FBXO28: variants seen among roughly 807,000 people sequenced by gnomAD.
FBXO28 encodes the protein F-box only protein 28.
Under a neutral mutation model 38.1 loss-of-function variants are expected in FBXO28, and 8 were observed. The observed-to-expected ratio is 0.21, with a 90% confidence interval of 0.12 to 0.38. The LOEUF is 0.38. FBXO28 is among the 10% of genes least tolerant of loss of function. The pLI, the probability that FBXO28 is intolerant of heterozygous loss-of-function variation, is 1.00. For missense variants in FBXO28, 345 were observed against 460.6 expected, an observed-to-expected ratio of 0.75 and a Z score of 2.30; for synonymous variants, 168 against 173.8, an observed-to-expected ratio of 0.97 and a Z score of 0.26.
intron 1 of FBXO28, among the ~76,000 whole-genome samples, chr1:224,123,121 A>C (rs973332320): frequency 6.6e-6 from 1 of 152,066 alleles, no homozygotes; most frequent in Non-Finnish European, 1.5e-5. Context: ...AGTTCCTTTC[A>C]GTTCTGGAGT....
chr1:224,146,928 G>A (rs1361665109), intron 3 of FBXO28, among the ~76,000 whole-genome samples: 2 of 150,014 alleles, frequency 1.3e-5, no homozygotes, highest in Non-Finnish European at 3.0e-5. Context: ...GGCTGGTCTC[G>A]AACTCCTGAC....
Position 224,159,314 on chromosome 1 carries a change from G to A in FBXO28, c.*1568G>A, listed in dbSNP as rs566251307. The A allele has an allele frequency of 4.6e-5, 7 of 152,142 alleles. No individual in the cohort carries two copies. Among genetic ancestry groups the A allele is most frequent in the African/African-American group, 1.7e-4 (7 of 41,374 alleles). The allele number at this position is 152,142 out of a possible 1,614,324, so 9.4% of individuals were successfully genotyped here. ...TTATCACCTTTTTTATCCGTCCACC[G>A]TGACATGGTTATGCATCCTTTAGAT... is the stretch of plus-strand genomic sequence containing the variant. On this transcript the variant is annotated 3_prime_UTR_variant, in exon 5 of 5. Coordinates refer to ENST00000366862, the MANE Select transcript of FBXO28 (RefSeq NM_015176.4).
chr1:224,124,954 T>C (rs186768609), intron 1 of FBXO28, among the ~76,000 whole-genome samples: 1 of 152,292 alleles, frequency 6.6e-6, no homozygotes, highest in Admixed American at 6.5e-5. Flanking sequence ...CTTGAACTCC[T>C]AACCTCAGCT....
At position 224,159,594 on chromosome 1, in the gene FBXO28, C is replaced by T. The variant is rs1415281753; in HGVS notation, c.*1848C>T. 4 of 152,526 alleles carry T rather than the reference C, an allele frequency of 2.6e-5. No individual in the cohort carries two copies. Among genetic ancestry groups the T allele is most frequent in the Non-Finnish European group, 4.4e-5 (3 of 68,036 alleles). 9.4% of individuals were successfully genotyped at this position (152,526 alleles called of 1,614,324 possible). On this transcript the variant is annotated 3_prime_UTR_variant, in exon 5 of 5. Coordinates refer to ENST00000366862, the MANE Select transcript of FBXO28 (RefSeq NM_015176.4). ...AAAGTCCCCGTCTGGAACTCGTTTT[C>T]TCAGCACTTCTCATTTTTATAATCA...
chr1:224,120,876 A>AAAG (rs1656756189), intron 1 of FBXO28, among the ~76,000 whole-genome samples: 2 of 134,156 alleles, frequency 1.5e-5, no homozygotes, highest in African/African-American at 3.8e-5. Flanking sequence ...AAAAAAAAAA[A>AAAG]AAAGAAAGAA....
intron 3 of FBXO28, among the ~76,000 whole-genome samples, chr1:224,145,156 G>A (rs760878552): frequency 7.3e-5 from 11 of 151,624 alleles, no homozygotes; most frequent in African/African-American, 2.4e-4. Context: ...TTAGCCGGGC[G>A]TGATGGCGGG....
In FBXO28 at chr1:224,136,101, G is replaced by GTTTTTTTTTTTTTTTTT. The variant is rs397982996; in HGVS notation, c.516+1893_516+1909dup. 4.0e-4 allele frequency among the ~76,000 whole-genome samples: 30 copies of GTTTTTTTTTTTTTTTTT among 75,130 alleles called. 8 individuals carry two copies. The highest frequency in any genetic ancestry group is 1.6e-3 in the Admixed American group (7 of 4,276). The allele number at this position is 75,130 out of a possible 152,430, so 49.3% of individuals were successfully genotyped here. On this transcript the variant is annotated intron_variant, in intron 3 of 4. Transcript: ENST00000366862. ...TTTTGGAAACCATTTGTTGACTTCA[G>GTTTTTTTTTTTTTTTTT]TTTTTTTTTTTTTTTTTTTTGAGAT...
intron 3 of FBXO28, among the ~76,000 whole-genome samples, chr1:224,135,621 AAAAAAAAAAAAAAAG>A (rs1195394685): frequency 0.011 from 1,226 of 111,210 alleles, 76 homozygotes; most frequent in Admixed American, 0.087. Context: ...CAAAAAAAAA[AAAAAAAAAAAAAAAG>A]AAAAAGAAAA....
chr1:224,136,410 G>A (rs1657188207), intron 3 of FBXO28, among the ~76,000 whole-genome samples: 1 of 151,794 alleles, frequency 6.6e-6, no homozygotes, highest in South Asian at 2.1e-4. Flanking sequence ...TTTTCCCTGA[G>A]ATCTTGCTTC....
intron 3 of FBXO28, among the ~76,000 whole-genome samples, chr1:224,145,072 A>G (rs1657465828): frequency 6.6e-6 from 1 of 151,928 alleles, no homozygotes; most frequent in African/African-American, 2.4e-5. Flanking sequence ...GCTTGAGGTC[A>G]GGCGTTCAAG....
chr1:224,117,564 C>T (rs1656672055), intron 1 of FBXO28, among the ~76,000 whole-genome samples: 1 of 152,134 alleles, frequency 6.6e-6, no homozygotes, highest in African/African-American at 2.4e-5. Context: ...TTTGGCTGAA[C>T]ACAACCTTTG....
chr1:224,139,316 T>C (rs575355990), intron 3 of FBXO28, among the ~76,000 whole-genome samples: 3 of 151,960 alleles, frequency 2.0e-5, no homozygotes, highest in Admixed American at 1.3e-4. Context: ...TTTTTGTGTG[T>C]GTAAATTTTT....
At chr1:224,122,988 A>G (rs901118941) in intron 1 of FBXO28, among the ~76,000 whole-genome samples, 2 of 152,140 alleles carry the variant, frequency 1.3e-5, no homozygotes, top group Admixed American at 6.6e-5. Flanking sequence ...ACAAATTAGA[A>G]GACCTGGATT....
rs146831785 is a variant in FBXO28 at position 224,156,209 on chromosome 1, G to A, written c.713-1143G>A. On this transcript the variant is annotated intron_variant, in intron 4 of 4. Transcript: ENST00000366862. The stretch of plus-strand genomic sequence containing the variant: ...CTTCAGTAGATAAGTTTAAAAGAAA[G>A]TAGGTTCTTTGTTTAAAATAGTTAT... Among the ~76,000 whole-genome samples, 171 of 152,328 alleles carry A rather than the reference G, an allele frequency of 1.1e-3. 1 individual carries two copies. Among genetic ancestry groups the A allele is most frequent in the Admixed American group, 7.7e-3 (118 of 15,298 alleles).
At chr1:224,143,137 G>A (rs541838695) in intron 3 of FBXO28, among the ~76,000 whole-genome samples, 14 of 150,358 alleles carry the variant, frequency 9.3e-5, no homozygotes, top group South Asian at 2.1e-4. Flanking sequence ...GCAGTGGTGC[G>A]GAACCCAGGA....
rs1164545495 is a variant in FBXO28, at chr1:224,114,141, G to T, written c.12G>T (p.Ala4=). The part of the protein sequence containing the change: MAA[A]AEERMAEEGG... ...ATCAAGCCCCCAAGATGGCGGCAGC[G>T]GCGGAGGAGCGGATGGCAGAGGAAG... is the stretch of plus-strand genomic sequence containing the variant. Residue 4 remains alanine (A), a synonymous_variant, in exon 1 of 5, where the codon GCG becomes GCT. Coordinates refer to ENST00000366862, the MANE Select transcript of FBXO28 (RefSeq NM_015176.4). 1.3e-6 allele frequency: 2 copies of T among 1,541,236 alleles called. No individual in the cohort carries two copies. The highest frequency in any genetic ancestry group is 1.8e-6 in the Non-Finnish European group (2 of 1,142,824).
At chr1:224,120,282 T>G (rs922518765) in intron 1 of FBXO28, among the ~76,000 whole-genome samples, 1 of 152,194 alleles carries the variant, frequency 6.6e-6, no homozygotes, top group Non-Finnish European at 1.5e-5. Context: ...TTCCCAAATA[T>G]CTTGGGCCTC....
chr1:224,140,997 AC>A (rs1657332933), intron 3 of FBXO28, among the ~76,000 whole-genome samples: 1 of 143,282 alleles, frequency 7.0e-6, no homozygotes, highest in Admixed American at 6.8e-5. Flanking sequence ...AGCCTGGCCA[AC>A]ATGGTGAAAC....
intron 1 of FBXO28, among the ~76,000 whole-genome samples, chr1:224,124,157 T>G (rs1656848734): frequency 6.6e-6 from 1 of 152,134 alleles, no homozygotes. Flanking sequence ...AAAATCACAT[T>G]TCACAAATGT....
Sources: gnomAD v4.1 joint callset for allele counts (sites outside exome capture counted in the v4.1 genomes callset) on GRCh38, gnomAD v4.1.1 for gene constraint, MANE v1.5 for transcripts, NCBI Gene and HGNC (gene_info 2026-07-23, HGNC 2026-07-21) for gene names.